EPB42: variants seen among roughly 807,000 people sequenced by gnomAD.
The protein encoded by EPB42 is erythrocyte membrane protein band 4.2, also known as protein 4.2.
A neutral mutation model predicts 76.9 loss-of-function variants in EPB42; 49 were observed. The observed-to-expected ratio is 0.64, with a 90% CI of 0.51 to 0.81. The LOEUF (loss-of-function observed/expected upper bound fraction) is 0.81. EPB42 is among the 30% of genes least tolerant of loss of function. EPB42 has a pLI of 0.00. For missense variants in EPB42, 731 were observed against 867.6 expected (o/e 0.84, Z 1.98); for synonymous variants, 310 against 338.4 (o/e 0.92, Z 0.92).
At chr15:43,212,485 G>A (rs1215311396) in intron 3 of EPB42, among the ~76,000 whole-genome samples, 1 of 152,110 alleles carries the variant, frequency 6.6e-6, no homozygotes, top group African/African-American at 2.4e-5. Flanking sequence ...CCAATGGCTT[G>A]TATGTCTTTC....
Position 43,197,336 on chromosome 15 carries a change from C to T in EPB42, c.2042G>A (p.Ser681Asn). ...NMFQNLTNYKSVTVVAPELSA is the reference protein window; with the variant it reads ...NMFQNLTNYKNVTVVAPELSA ...TAGTTCAGGGGCTACCACGGTGACG[C>T]TTTTATAGTTGGTTAGGTTCTGGAA... The change falls in exon 13 of 13, where the codon AGC (serine) becomes AAC (asparagine). Residue 681 changes from serine (S) to asparagine (N), a missense_variant. Ser to Asn is a conservative substitution (Grantham distance 46). Coordinates refer to ENST00000441366, the MANE Select transcript of EPB42 (RefSeq NM_001114134.2). 1 of 1,614,156 alleles carries T rather than the reference C, an allele frequency of 6.2e-7. No homozygotes were observed. Among genetic ancestry groups the T allele is most frequent in the Non-Finnish European group, 8.5e-7 (1 of 1,180,024 alleles).
chr15:43,209,271 A>G lies in EPB42; in HGVS notation c.832+3T>C, dbSNP rs746253889. The stretch of plus-strand genomic sequence containing the variant: ...GCACTCTACAGGAGACAAGGGGACC[A>G]ACCTGTGCAAGCAACAGCAGCCAAC... On this transcript the variant is annotated splice_donor_region_variant and intron_variant, in intron 6 of 12. Transcript: ENST00000441366. 2 of 1,613,986 alleles carry G rather than the reference A, an allele frequency of 1.2e-6. No homozygotes were observed. Among genetic ancestry groups the G allele is most frequent in the African/African-American group, 2.7e-5 (2 of 74,926 alleles).
rs200227022 is a variant in EPB42 at position 43,206,034 on chromosome 15, T to C, written c.1618+296A>G. The C allele has an allele frequency of 1.5e-5, 5 of 329,418 alleles. No individual in the cohort carries two copies. The highest frequency in any genetic ancestry group is 2.8e-5 in the Non-Finnish European group (5 of 178,890). 20.4% of individuals were successfully genotyped at this position (329,418 alleles called of 1,614,324 possible). A position where few individuals can be genotyped will look rare whatever the true frequency, so the allele number is the denominator to read the frequency against. Reference sequence around the variant, plus strand: ...TATTTGGGGGCAGCTTATTCCAGCCTGGGGGGAGGTGCTCTCCTGCCACTG... The same window carrying C: ...TATTTGGGGGCAGCTTATTCCAGCCCGGGGGGAGGTGCTCTCCTGCCACTG... On this transcript the variant is annotated intron_variant, in intron 10 of 12. Transcript: ENST00000441366. This position sits in a 1 kb window ranked among gnomAD's most constrained non-coding sequence, Gnocchi z 4.7.
chr15:43,225,329 T>A (rs1026897583), upstream of EPB42, among the ~76,000 whole-genome samples: 12 of 152,242 alleles, frequency 7.9e-5, no homozygotes, highest in Non-Finnish European at 1.8e-4. Context: ...ACAAAAACTT[T>A]TAGGGGAAAG....
chr15:43,214,988 G>A (rs1461987368), intron 3 of EPB42, 107 bp downstream of exon 3: 1 of 948,960 alleles, frequency 1.1e-6, no homozygotes, highest in East Asian at 2.6e-5. Context: ...TGTCCTTAGA[G>A]AGGGCTGCCA....
chr15:43,208,830 G>A (rs746417346), intron 6 of EPB42, 55 bp from the exon 7 acceptor site: 45 of 1,584,310 alleles, frequency 2.8e-5, no homozygotes, highest in Non-Finnish European at 3.5e-5. Flanking sequence ...GGCTGGGGGC[G>A]TGTGGGAGGC....
upstream of EPB42, among the ~76,000 whole-genome samples, chr15:43,223,793 G>A (rs1463024710): frequency 6.6e-6 from 1 of 152,154 alleles, no homozygotes; most frequent in Admixed American, 6.5e-5. Context: ...GGCCAAGATG[G>A]TGAAAACCAA....
intron 3 of EPB42, 116 bp downstream of exon 3, chr15:43,214,979 G>C (rs1288257985): frequency 9.0e-6 from 8 of 885,318 alleles, no homozygotes; most frequent in Non-Finnish European, 1.5e-5. Flanking sequence ...TGTTGGTGCT[G>C]TCCTTAGAGA....
rs202171937 is a variant in EPB42, at chr15:43,209,293, C to G, written c.813G>C (p.Leu271Phe). 2 of 1,614,120 alleles carry G rather than the reference C, an allele frequency of 1.2e-6. No individual in the cohort carries two copies. Among genetic ancestry groups the G allele is most frequent in the East Asian group, 4.5e-5 (2 of 44,878 alleles). ...RPVYDGQAWV[L>F]AAVACTVLRC... ...ACCAACCTGTGCAAGCAACAGCAGC[C>G]AACACCCAGGCCTGGCCATCATACA... Residue 271 changes from leucine to phenylalanine, a missense_variant, in exon 6 of 13, where the codon TTG becomes TTC. Coordinates refer to ENST00000441366, the MANE Select transcript of EPB42 (RefSeq NM_001114134.2).
rs781515047 is a variant in EPB42, at chr15:43,208,713, C to T, written c.895G>A (p.Gly299Ser). 1.5e-5 allele frequency: 25 copies of T among 1,614,162 alleles called. No homozygotes were observed. The highest frequency in any genetic ancestry group is 1.6e-4 in the Middle Eastern group (1 of 6,062). The change falls in exon 7 of 13, where the codon GGT (glycine) becomes AGT (serine). Residue 299 changes from glycine (G) to serine (S), a missense_variant. By Grantham distance (56) the Gly-to-Ser change is moderately conservative. Coordinates refer to ENST00000441366, the MANE Select transcript of EPB42 (RefSeq NM_001114134.2). ...TATTCATCTATGAGAAGACGCCCAC[C>T]GGTGCCCTGTGCTGAGGCAAACGTG... ...VTTFASAQGT[G>S]GRLLIDEYYN...
chr15:43,209,383 C>T lies in EPB42; in HGVS notation c.723G>A (p.Leu241=). The change falls in exon 6 of 13, where the codon TTG becomes TTA. Residue 241 remains leucine (L), a synonymous_variant. Transcript: ENST00000441366. ...PQTQATQEGA[L]LNKRRGSVPI... is the part of the protein sequence containing the mutation. ...GCACGCTGCCCCGGCGCTTGTTCAG[C>T]AAGGCCCCTTCCTGGGTGGCCTGGG... 6.2e-7 allele frequency: 1 copy of T among 1,613,988 alleles called. No homozygotes were observed. Among genetic ancestry groups the T allele is most frequent in the Non-Finnish European group, 8.5e-7 (1 of 1,179,960 alleles).
chr15:43,207,547 G>T, intron 8 of EPB42, 106 bp from the exon 9 acceptor site: 1 of 1,561,686 alleles, frequency 6.4e-7, no homozygotes, highest in East Asian at 2.3e-5. Context: ...TTCCCTCCAC[G>T]AGGACCAAGG....
rs1303123457 is a variant in EPB42, at chr15:43,220,881, G to T, written c.-56C>A. The T allele has an allele frequency of 1.3e-6, 2 of 1,504,488 alleles. No individual in the cohort carries two copies. The highest frequency in any genetic ancestry group is 4.5e-5 in the East Asian group (2 of 44,370). The allele number at this position is 1,504,488 out of a possible 1,614,324, so 93.2% of individuals were successfully genotyped here. A position where few individuals can be genotyped will look rare whatever the true frequency, so the allele number is the denominator to read the frequency against. On this transcript the variant is annotated 5_prime_UTR_variant, in exon 1 of 13. Coordinates refer to ENST00000441366, the MANE Select transcript of EPB42 (RefSeq NM_001114134.2). The stretch of plus-strand genomic sequence containing the variant: ...CCGCAGAAAGCGCCTCTCTCAAACT[G>T]TTGCTTCTGGGCTCCTTCTGGGCTT...
At chr15:43,216,801 A>G (rs2042385427) in intron 1 of EPB42, among the ~76,000 whole-genome samples, 1 of 152,230 alleles carries the variant, frequency 6.6e-6, no homozygotes, top group Non-Finnish European at 1.5e-5. Context: ...CCAATCCACA[A>G]GCAATGAATA....
In EPB42 at chr15:43,215,876, G is replaced by T. The variant is rs145323293; in HGVS notation, c.196+392C>A. On this transcript the variant is annotated intron_variant, in intron 2 of 12. Coordinates refer to ENST00000441366, the MANE Select transcript of EPB42 (RefSeq NM_001114134.2). ...TGGCTAATTTTTTGTATTTTTAGTAGAAACGGGGCTTCACCACGTTGGTCA... is the reference window on the plus strand; with the variant it reads ...TGGCTAATTTTTTGTATTTTTAGTATAAACGGGGCTTCACCACGTTGGTCA... 8.9e-3 allele frequency among the ~76,000 whole-genome samples: 1,355 copies of T among 152,250 alleles called. 16 individuals carry two copies. Among genetic ancestry groups the T allele is most frequent in the African/African-American group, 0.032 (1,310 of 41,528 alleles).
intron 4 of EPB42, 34 bp from the exon 5 acceptor site, chr15:43,210,473 T>A (rs766937000): frequency 6.3e-7 from 1 of 1,594,814 alleles, no homozygotes; most frequent in South Asian, 1.1e-5. Context: ...TGATGAAGGG[T>A]CCCCACACAG....
chr15:43,210,331 T>G lies in EPB42; in HGVS notation c.654+4A>C, dbSNP rs1157553537. 1 of 1,613,130 alleles carries G rather than the reference T, an allele frequency of 6.2e-7. No homozygotes were observed. Among genetic ancestry groups the G allele is most frequent in the Non-Finnish European group, 8.5e-7 (1 of 1,179,758 alleles). ...CCATTCTGGTTCCCCAGCCTCTCGC[T>G]TACCAAGGCACCCAACACACGGGCC... On this transcript the variant is annotated splice_donor_region_variant and intron_variant, in intron 5 of 12. Transcript: ENST00000441366.
intron 3 of EPB42, among the ~76,000 whole-genome samples, chr15:43,213,702 G>A (rs2042334389): frequency 6.6e-6 from 1 of 152,222 alleles, no homozygotes; most frequent in Non-Finnish European, 1.5e-5. Context: ...GTCATGGAAA[G>A]TCAAAGGGCC....
chr15:43,197,553 A>AGGT, intron 12 of EPB42, 89 bp from the exon 13 acceptor site: 6 of 1,463,162 alleles, frequency 4.1e-6, no homozygotes, highest in Non-Finnish European at 5.7e-6. Context: ...TTGCTTGAAG[A>AGGT]GGTGGACCAT....
Sources: gnomAD v4.1 joint callset for allele counts (sites outside exome capture counted in the v4.1 genomes callset) on GRCh38, gnomAD v4.1.1 for gene constraint, Gnocchi (gnomAD v3.1) non-coding constraint, MANE v1.5 for transcripts, NCBI Gene and HGNC (gene_info 2026-07-23, HGNC 2026-07-21) for gene names.